Variants in FMN1 observed in about 807,000 individuals in gnomAD.
FMN1 encodes formin-1.
In FMN1, 110 loss-of-function variants were observed where a neutral mutation model predicts 132.4. The ratio of observed to expected loss-of-function variants is 0.83; its 90% CI spans 0.71 to 0.97. The LOEUF (loss-of-function observed/expected upper bound fraction) is 0.97, where lower values mean the gene tolerates loss of function less well. Among genes scored for constraint, FMN1 ranks in the 50% least tolerant of loss-of-function variants. The probability of loss-of-function intolerance (pLI) is 0.00; values close to 1 mark genes in which losing one functional copy is unlikely to be tolerated. For missense variants in FMN1, 1,792 were observed against 1,705.3 expected, an observed-to-expected ratio of 1.05 and a Z score of -0.90; for synonymous variants, 722 against 651.7, an observed-to-expected ratio of 1.11 and a Z score of -1.64.
At chr15:32,919,656 A>C (rs1226931202) in intron 10 of FMN1, among the ~76,000 whole-genome samples, 4 of 152,202 alleles carry the variant, frequency 2.6e-5, no homozygotes. Context: ...ATGCACTCAA[A>C]CTTTTTACTG....
intron 6 of FMN1, among the ~76,000 whole-genome samples, chr15:33,036,902 T>C (rs1473743551): frequency 1.3e-5 from 2 of 152,212 alleles, no homozygotes; most frequent in African/African-American, 2.4e-5. Context: ...TAGAAATAAA[T>C]TCATTTGGCA....
Position 33,084,571 on chromosome 15 carries a change from T to C in FMN1, c.2043+4228A>G, listed in dbSNP as rs1041828479. Among the ~76,000 whole-genome samples the C allele has an allele frequency of 2.0e-5, 3 of 152,256 alleles. No homozygotes were observed. The East Asian group carries it at 5.8e-4, about 29-fold the overall frequency. On this transcript the variant is annotated intron_variant, in intron 5 of 20. Transcript: ENST00000616417. ...CAGGCAATTGGGGAATTGCTTGTTA[T>C]GAAAAACACGTACACTTGGGTCTCA...
At chr15:33,032,937 T>G (rs1305716761) in intron 6 of FMN1, among the ~76,000 whole-genome samples, 20 of 152,170 alleles carry the variant, frequency 1.3e-4, no homozygotes, top group Admixed American at 1.3e-3. Flanking sequence ...TTTAGAGTTA[T>G]TAAGTATTTG....
In FMN1 at chr15:32,967,999, C is replaced by A. The variant is rs900435488; in HGVS notation, c.2987+715G>T. Among the ~76,000 whole-genome samples, 6 of 152,252 alleles carry A rather than the reference C, an allele frequency of 3.9e-5. 1 individual carries two copies. The highest frequency in any genetic ancestry group is 8.8e-5 in the Non-Finnish European group (6 of 68,052). ...AAGGCAGAACAAATCACACTCAAAT[C>A]TGTTTGAATGGATGTTTCCAAGCAA... On this transcript the variant is annotated intron_variant, in intron 8 of 20. Transcript: ENST00000616417.
chr15:33,075,497 C>G (rs1239028638), intron 5 of FMN1, among the ~76,000 whole-genome samples: 1 of 152,098 alleles, frequency 6.6e-6, no homozygotes, highest in Non-Finnish European at 1.5e-5. Context: ...CCAAGGGATC[C>G]CTTTGGGTGT....
At chr15:32,914,316 A>AT (rs1426646897) in intron 10 of FMN1, among the ~76,000 whole-genome samples, 3 of 152,200 alleles carry the variant, frequency 2.0e-5, no homozygotes, top group Non-Finnish European at 2.9e-5. Flanking sequence ...TGCAATGACA[A>AT]TTTGTAAGTA....
rs577913007 is a variant in FMN1 at position 32,956,935 on chromosome 15, C to G, written c.3138+7172G>C. Among the ~76,000 whole-genome samples the G allele has an allele frequency of 2.6e-5, 4 of 152,260 alleles. No homozygotes were observed. The South Asian group carries it at 8.3e-4, about 32-fold the overall frequency. ...CATAAAGTCTGGGATTTGAGAATTACAGCTATGATCCTTGCCAAAGTGACC... is the reference window on the plus strand; with the variant it reads ...CATAAAGTCTGGGATTTGAGAATTAGAGCTATGATCCTTGCCAAAGTGACC... On this transcript the variant is annotated intron_variant, in intron 9 of 20. Coordinates refer to ENST00000616417, the MANE Select transcript of FMN1 (RefSeq NM_001277313.2).
chr15:32,969,710 G>A (rs920854525), intron 7 of FMN1, among the ~76,000 whole-genome samples: 2 of 152,138 alleles, frequency 1.3e-5, no homozygotes, highest in Non-Finnish European at 2.9e-5. Flanking sequence ...GAGCTCACGG[G>A]AGATAATTTT....
At chr15:32,844,899 A>G (rs1411034642) in intron 17 of FMN1, among the ~76,000 whole-genome samples, 1 of 152,260 alleles carries the variant, frequency 6.6e-6, no homozygotes, top group Non-Finnish European at 1.5e-5. Context: ...ACTGCTCCAC[A>G]TACATTAGTC....
intron 9 of FMN1, among the ~76,000 whole-genome samples, chr15:32,931,406 T>C (rs1481230278): frequency 6.6e-6 from 1 of 152,250 alleles, no homozygotes; most frequent in South Asian, 2.1e-4. Context: ...TCTGTACTAG[T>C]CTTTTACCCT....
chr15:32,951,085 G>C (rs1396681989), intron 9 of FMN1, among the ~76,000 whole-genome samples: 1 of 151,832 alleles, frequency 6.6e-6, no homozygotes, highest in African/African-American at 2.4e-5. Flanking sequence ...CAGTCTATTT[G>C]TTAATAAAGA....
chr15:32,842,510 C>T (rs1236140718), intron 17 of FMN1, among the ~76,000 whole-genome samples: 2 of 152,196 alleles, frequency 1.3e-5, no homozygotes, highest in African/African-American at 2.4e-5. Context: ...TATTACCAAT[C>T]GGCTATAATT....
intron 16 of FMN1, among the ~76,000 whole-genome samples, chr15:32,878,408 G>T (rs555743138): frequency 1.3e-5 from 2 of 152,320 alleles, no homozygotes; most frequent in South Asian, 4.1e-4. Context: ...GGAAGACCAA[G>T]AGTGGAAGCA....
intron 4 of FMN1, among the ~76,000 whole-genome samples, chr15:33,125,032 C>G (rs1343807609): frequency 6.6e-6 from 1 of 150,598 alleles, no homozygotes; most frequent in Non-Finnish European, 1.5e-5. Context: ...CATGTCTACT[C>G]TATCATGGAA....
chr15:33,033,550 T>A (rs2036045759), intron 6 of FMN1, among the ~76,000 whole-genome samples: 1 of 152,116 alleles, frequency 6.6e-6, no homozygotes. Context: ...TACATCAAAT[T>A]TTCCCTCTCT....
At chr15:32,912,916 A>T (rs2060598979) in intron 10 of FMN1, among the ~76,000 whole-genome samples, 1 of 152,224 alleles carries the variant, frequency 6.6e-6, no homozygotes, top group African/African-American at 2.4e-5. Flanking sequence ...ACATGGTATA[A>T]GCCCAAAATG....
chr15:32,839,398 G>A (rs543119084), intron 17 of FMN1, among the ~76,000 whole-genome samples: 1 of 152,226 alleles, frequency 6.6e-6, no homozygotes, highest in South Asian at 2.1e-4. Context: ...CTGGATGCTT[G>A]GCATTTGCTA....
In FMN1 at chr15:33,026,476, T is replaced by G. The variant is rs183609133; in HGVS notation, c.2162-18401A>C. ...AGACTAGGTTTAGCCTTATAATCAG[T>G]GAGGAAAAAATTGCCTACCTCAAAC... On this transcript the variant is annotated intron_variant, in intron 6 of 20. Coordinates refer to ENST00000616417, the MANE Select transcript of FMN1 (RefSeq NM_001277313.2). 1.9e-4 allele frequency among the ~76,000 whole-genome samples: 28 copies of G among 148,518 alleles called. No individual in the cohort carries two copies. In the East Asian group the frequency reaches 5.1e-3, roughly 27 times the overall value.
chr15:33,171,720 C>G (rs1965328475), intron 3 of FMN1, among the ~76,000 whole-genome samples: 1 of 152,076 alleles, frequency 6.6e-6, no homozygotes, highest in Non-Finnish European at 1.5e-5. Flanking sequence ...ATTTCCTTCC[C>G]AGACCCAAAA....
Sources: gnomAD v4.1 joint callset for allele counts (sites outside exome capture counted in the v4.1 genomes callset) on GRCh38, gnomAD v4.1.1 for gene constraint, MANE v1.5 for transcripts, NCBI Gene and HGNC (gene_info 2026-07-23, HGNC 2026-07-21) for gene names.